The following DLG2 variants were observed in gnomAD, a reference collection of about 807,000 sequenced individuals.
DLG2 encodes the protein discs large MAGUK scaffold protein 2, also known as disks large homolog 2.
A neutral mutation model predicts 132.5 loss-of-function variants in DLG2; 45 were observed. The ratio of observed to expected loss-of-function variants is 0.34; its 90% CI spans 0.27 to 0.44. The LOEUF (loss-of-function observed/expected upper bound fraction) is 0.44. Among genes scored for constraint, DLG2 ranks in the 20% least tolerant of loss-of-function variants. DLG2 has a pLI of 1.00. For missense variants in DLG2, 1,045 were observed against 1,196.9 expected (o/e 0.87, Z 1.87); for synonymous variants, 424 against 419.6 (o/e 1.01, Z -0.13).
At chr11:84,961,441 T>C (rs2052553523) in intron 6 of DLG2, among the ~76,000 whole-genome samples, 1 of 151,874 alleles carries the variant, frequency 6.6e-6, no homozygotes, top group Non-Finnish European at 1.5e-5. Context: ...GGCCCAACCT[T>C]TCTCCTGTAT....
At chr11:85,594,826 C>G (rs143894631) in intron 3 of DLG2, among the ~76,000 whole-genome samples, 2 of 151,636 alleles carry the variant, frequency 1.3e-5, no homozygotes, top group Non-Finnish European at 2.9e-5. Flanking sequence ...CCAGCACTTT[C>G]GGAAGCCAAG....
chr11:84,054,248 T>G lies in DLG2; in HGVS notation c.919+5067A>C, dbSNP rs371253149. Among the ~76,000 whole-genome samples the G allele has an allele frequency of 1.4e-4, 22 of 152,228 alleles. No individual in the cohort carries two copies. The East Asian group carries it at 3.1e-3, about 21-fold the overall frequency. ...ATAGAAACAAACAGTTCTGTACTTG[T>G]TTAATTATATATTAATAGCTCCTTG... On this transcript the variant is annotated intron_variant, in intron 11 of 27. Transcript: ENST00000376104.
At chr11:84,177,346 A>G (rs942318286) in intron 8 of DLG2, among the ~76,000 whole-genome samples, 1 of 152,166 alleles carries the variant, frequency 6.6e-6, no homozygotes, top group African/African-American at 2.4e-5. Flanking sequence ...ATGCATGCAC[A>G]TATATACACA....
chr11:84,589,049 T>G (rs1198544139), intron 6 of DLG2, among the ~76,000 whole-genome samples: 1 of 151,904 alleles, frequency 6.6e-6, no homozygotes, highest in Non-Finnish European at 1.5e-5. Flanking sequence ...TCCAGGTAAG[T>G]GGTGGGGTCT....
intron 11 of DLG2, among the ~76,000 whole-genome samples, chr11:84,017,127 T>G (rs1368592152): frequency 6.6e-6 from 1 of 151,990 alleles, no homozygotes. Flanking sequence ...AGTTCAGCAT[T>G]GTAGAGAATT....
intron 19 of DLG2, among the ~76,000 whole-genome samples, chr11:83,621,168 C>A (rs1224514188): frequency 6.6e-6 from 1 of 152,024 alleles, no homozygotes; most frequent in East Asian, 1.9e-4. Flanking sequence ...TAAAGAGCAA[C>A]CAATTCAAAT....
chr11:85,616,596 A>T (rs984245509), intron 2 of DLG2, among the ~76,000 whole-genome samples: 30 of 152,162 alleles, frequency 2.0e-4, no homozygotes, highest in Non-Finnish European at 3.5e-4. Flanking sequence ...CTTTCTAAAA[A>T]CCTAAGCCCT....
intron 3 of DLG2, among the ~76,000 whole-genome samples, chr11:85,597,425 T>A (rs1297319872): frequency 6.6e-6 from 1 of 152,046 alleles, no homozygotes; most frequent in Non-Finnish European, 1.5e-5. Context: ...TTATCTTTGC[T>A]GAATATAAGG....
chr11:84,008,542 A>T (rs915410355), intron 11 of DLG2, among the ~76,000 whole-genome samples: 3 of 151,934 alleles, frequency 2.0e-5, no homozygotes, highest in Admixed American at 6.6e-5. Flanking sequence ...TCCCTTTCCA[A>T]AAGATCATCA....
chr11:85,320,256 G>C (rs917653742), intron 3 of DLG2, among the ~76,000 whole-genome samples: 2 of 151,908 alleles, frequency 1.3e-5, no homozygotes, highest in African/African-American at 4.8e-5. Flanking sequence ...AATTCATCTA[G>C]TCCAGCAGCC....
At chr11:84,215,507 A>C (rs2096824400) in intron 8 of DLG2, among the ~76,000 whole-genome samples, 1 of 152,202 alleles carries the variant, frequency 6.6e-6, no homozygotes, top group South Asian at 2.1e-4. Flanking sequence ...CTGGAGGTCA[A>C]GAAGGGGCTT....
intron 9 of DLG2, among the ~76,000 whole-genome samples, chr11:84,108,457 G>T (rs183025325): frequency 4.9e-4 from 74 of 152,258 alleles, no homozygotes; most frequent in Admixed American, 4.1e-3. Context: ...GGTAGAAGGA[G>T]AGAACAGTGA....
chr11:84,426,811 C>T (rs1367687499), intron 7 of DLG2, among the ~76,000 whole-genome samples: 1 of 152,040 alleles, frequency 6.6e-6, no homozygotes, highest in Non-Finnish European at 1.5e-5. Flanking sequence ...AGTGATATGT[C>T]TTAACTGGCA....
At chr11:84,152,846 T>A (rs953234195) in intron 9 of DLG2, among the ~76,000 whole-genome samples, 4 of 152,180 alleles carry the variant, frequency 2.6e-5, no homozygotes, top group African/African-American at 9.6e-5. Context: ...TTTAGGCCAT[T>A]TATATTCAAG....
intron 16 of DLG2, among the ~76,000 whole-genome samples, chr11:83,872,881 C>T (rs2063744074): frequency 6.6e-6 from 1 of 152,174 alleles, no homozygotes; most frequent in African/African-American, 2.4e-5. Flanking sequence ...TTAGTCCCCA[C>T]ACCCTTACCT....
At chr11:84,322,844 C>T (rs1370573187) in intron 7 of DLG2, among the ~76,000 whole-genome samples, 2 of 152,136 alleles carry the variant, frequency 1.3e-5, no homozygotes, top group African/African-American at 4.8e-5. Flanking sequence ...CCTGTCTTGG[C>T]CTCCCAAAGT....
At position 83,880,815 on chromosome 11, in the gene DLG2, A is replaced by C. The variant is rs186560355; in HGVS notation, c.1497-6327T>G. ...TCTATAGTGGACATCTATAATTATT[A>C]AAAAGTTCTTCCTTCTCTTGGCGTG... is the stretch of plus-strand genomic sequence containing the variant. On this transcript the variant is annotated intron_variant, in intron 15 of 27. Transcript: ENST00000376104. Among the ~76,000 whole-genome samples, 5 of 152,292 alleles carry C rather than the reference A, an allele frequency of 3.3e-5. No homozygotes were observed. The East Asian group carries it at 9.7e-4, about 29-fold the overall frequency.
intron 4 of DLG2, among the ~76,000 whole-genome samples, chr11:85,177,339 C>T (rs2079361545): frequency 6.6e-6 from 1 of 151,294 alleles, no homozygotes; most frequent in Non-Finnish European, 1.5e-5. Context: ...ACTATGCAGC[C>T]ATAAAAAGAA....
chr11:83,859,047 G>T (rs558035920), intron 16 of DLG2, among the ~76,000 whole-genome samples: 4 of 152,200 alleles, frequency 2.6e-5, no homozygotes, highest in African/African-American at 7.2e-5. Context: ...GCTCCTCCTT[G>T]CCTTCTGCCA....
Sources: gnomAD v4.1 joint callset for allele counts (sites outside exome capture counted in the v4.1 genomes callset) on GRCh38, gnomAD v4.1.1 for gene constraint, MANE v1.5 for transcripts, NCBI Gene and HGNC (gene_info 2026-07-23, HGNC 2026-07-21) for gene names.